Variants in CNTNAP2 observed in about 807,000 individuals in gnomAD.
CNTNAP2 encodes the protein contactin associated protein 2.
In CNTNAP2, 98 loss-of-function variants were observed where a neutral mutation model predicts 155.2. The ratio of observed to expected loss-of-function variants is 0.63; its 90% CI spans 0.54 to 0.75. CNTNAP2 has a LOEUF of 0.75. Among genes scored for constraint, CNTNAP2 ranks in the 30% least tolerant of loss-of-function variants. The pLI is 0.00. For missense variants in CNTNAP2, 1,727 were observed against 1,688.1 expected (o/e 1.02, Z -0.40); for synonymous variants, 651 against 631.2 (o/e 1.03, Z -0.47).
chr7:148,285,030 A>G lies in CNTNAP2; in HGVS notation c.3475+17904A>G, dbSNP rs1420054177. 2.0e-5 allele frequency among the ~76,000 whole-genome samples: 3 copies of G among 152,248 alleles called. No individual in the cohort carries two copies. The East Asian group carries it at 5.8e-4, about 29-fold the overall frequency. On this transcript the variant is annotated intron_variant, in intron 21 of 23. Coordinates refer to ENST00000361727, the MANE Select transcript of CNTNAP2 (RefSeq NM_014141.6). ...CAGTTGTAGAAAAACAAATGTTTGC[A>G]TGAAAGAATTATTCACCTCTTAAAA...
At chr7:147,238,929 A>G (rs1312595513) in intron 8 of CNTNAP2, among the ~76,000 whole-genome samples, 1 of 152,206 alleles carries the variant, frequency 6.6e-6, no homozygotes, top group African/African-American at 2.4e-5. Flanking sequence ...TCCATTGTTA[A>G]GTCTTGCCCT....
chr7:147,258,155 G>T (rs940587377), intron 8 of CNTNAP2, among the ~76,000 whole-genome samples: 1 of 152,106 alleles, frequency 6.6e-6, no homozygotes, highest in Non-Finnish European at 1.5e-5. Flanking sequence ...AATCATCATG[G>T]AACAGTCTTG....
intron 1 of CNTNAP2, among the ~76,000 whole-genome samples, chr7:146,528,023 T>C (rs911112062): frequency 1.3e-5 from 2 of 152,142 alleles, no homozygotes; most frequent in Admixed American, 1.3e-4. Context: ...AAGAAAAATA[T>C]TGTCATTTTA....
chr7:147,814,576 C>T (rs766790919), intron 13 of CNTNAP2, among the ~76,000 whole-genome samples: 6 of 152,112 alleles, frequency 3.9e-5, no homozygotes, highest in Non-Finnish European at 8.8e-5. Flanking sequence ...CCTTTAAAAC[C>T]TTCATTTTAT....
At chr7:146,840,163 C>T (rs553602850) in intron 3 of CNTNAP2, among the ~76,000 whole-genome samples, 33 of 152,144 alleles carry the variant, frequency 2.2e-4, no homozygotes, top group Middle Eastern at 3.4e-3. Context: ...AAGGCAAACC[C>T]GGATCAATAA....
chr7:146,424,935 A>G (rs1796066906), intron 1 of CNTNAP2, among the ~76,000 whole-genome samples: 1 of 152,190 alleles, frequency 6.6e-6, no homozygotes, highest in Non-Finnish European at 1.5e-5. Flanking sequence ...ATTGAAAAAA[A>G]AATTTACAAA....
intron 5 of CNTNAP2, among the ~76,000 whole-genome samples, chr7:147,110,858 T>C (rs1459738653): frequency 6.6e-6 from 1 of 152,178 alleles, no homozygotes; most frequent in Admixed American, 6.5e-5. Flanking sequence ...ATCTTTATAA[T>C]AGAATAAATT....
chr7:147,350,458 T>C (rs1795950335), intron 9 of CNTNAP2, among the ~76,000 whole-genome samples: 1 of 151,900 alleles, frequency 6.6e-6, no homozygotes, highest in African/African-American at 2.4e-5. Context: ...ATAAATAATG[T>C]ATGATTCTTT....
At chr7:148,269,392 T>C (rs759607766) in intron 21 of CNTNAP2, among the ~76,000 whole-genome samples, 7 of 152,228 alleles carry the variant, frequency 4.6e-5, no homozygotes, top group Non-Finnish European at 8.8e-5. Context: ...ACACTTTCTA[T>C]AGTTGATGTA....
At chr7:146,534,741 C>A (rs967680029) in intron 1 of CNTNAP2, among the ~76,000 whole-genome samples, 3 of 151,790 alleles carry the variant, frequency 2.0e-5, no homozygotes, top group East Asian at 2.0e-4. Context: ...CAGTAGAATT[C>A]TTTTCTAAAG....
At position 147,556,656 on chromosome 7, in the gene CNTNAP2, A is replaced by G. The variant is rs1374036153; in HGVS notation, c.1778-5482A>G. On this transcript the variant is annotated intron_variant, in intron 11 of 23. Transcript: ENST00000361727. The stretch of plus-strand genomic sequence containing the variant: ...CCCAGGAATGTGTGTGGCCTCTATA[A>G]TCTGGAAAAGGCAAGTATATAGATT... Among the ~76,000 whole-genome samples, 8 of 152,140 alleles carry G rather than the reference A, an allele frequency of 5.3e-5. No individual in the cohort carries two copies. In the South Asian group the frequency reaches 1.7e-3, roughly 32 times the overall value.
At chr7:147,291,699 T>C (rs1321439515) in intron 8 of CNTNAP2, among the ~76,000 whole-genome samples, 2 of 152,188 alleles carry the variant, frequency 1.3e-5, no homozygotes, top group African/African-American at 4.8e-5. Flanking sequence ...TGTTTAACTT[T>C]ATTAAAAATT....
intron 1 of CNTNAP2, among the ~76,000 whole-genome samples, chr7:146,271,660 T>A (rs1257051468): frequency 6.6e-6 from 1 of 151,830 alleles, no homozygotes; most frequent in Non-Finnish European, 1.5e-5. Context: ...AAATGTTAAA[T>A]GAAATTATAA....
At chr7:146,838,483 A>G (rs1803658622) in intron 2 of CNTNAP2, among the ~76,000 whole-genome samples, 1 of 151,998 alleles carries the variant, frequency 6.6e-6, no homozygotes, top group Admixed American at 6.6e-5. Flanking sequence ...ACGCCTGGCT[A>G]ATTTTTGTAT....
chr7:147,738,650 C>CTTTTTTTTTTTTTTTTTTTT (rs111611444), intron 13 of CNTNAP2, among the ~76,000 whole-genome samples: 2 of 57,544 alleles, frequency 3.5e-5, no homozygotes, highest in African/African-American at 6.5e-5. Context: ...GTAAACATAA[C>CTTTTTTTTTTTTTTTTTTTT]TTTTTTTTTT....
At chr7:147,007,785 C>A (rs1180218715) in intron 3 of CNTNAP2, among the ~76,000 whole-genome samples, 1 of 151,986 alleles carries the variant, frequency 6.6e-6, no homozygotes, top group African/African-American at 2.4e-5. Flanking sequence ...TACTTCAGAA[C>A]TATCTTTAGT....
intron 1 of CNTNAP2, among the ~76,000 whole-genome samples, chr7:146,714,663 A>G (rs1028116957): frequency 3.3e-5 from 5 of 152,226 alleles, no homozygotes; most frequent in African/African-American, 1.2e-4. Flanking sequence ...TTTCGAGTTA[A>G]GATAACTAAT....
At chr7:146,506,445 G>T (rs1797386618) in intron 1 of CNTNAP2, among the ~76,000 whole-genome samples, 1 of 152,174 alleles carries the variant, frequency 6.6e-6, no homozygotes, top group Admixed American at 6.5e-5. Context: ...TCCCGACGTG[G>T]CCCAATTTCT....
At chr7:148,154,623 T>C (rs536950428) in intron 17 of CNTNAP2, among the ~76,000 whole-genome samples, 1 of 152,284 alleles carries the variant, frequency 6.6e-6, no homozygotes, top group Admixed American at 6.5e-5. Context: ...TTCTCATATC[T>C]AAGAAATTGA....
Sources: gnomAD v4.1 joint callset for allele counts (sites outside exome capture counted in the v4.1 genomes callset) on GRCh38, gnomAD v4.1.1 for gene constraint, MANE v1.5 for transcripts, NCBI Gene and HGNC (gene_info 2026-07-23, HGNC 2026-07-21) for gene names.